The following PDE1C variants were observed in gnomAD, a reference collection of about 807,000 sequenced individuals.
PDE1C encodes phosphodiesterase 1C, also known as dual specificity calcium/calmodulin-dependent 3',5'-cyclic nucleotide phosphodiesterase 1C.
In PDE1C, 62 loss-of-function variants were observed where a neutral mutation model predicts 93.1. The observed-to-expected ratio is 0.67, with a 90% CI of 0.54 to 0.82. The LOEUF is 0.82. Ranked by LOEUF, PDE1C falls within the 40% of genes least tolerant of loss-of-function variation. PDE1C has a pLI of 0.00. For synonymous variants in PDE1C, 325 were observed against 310.1 expected, an observed-to-expected ratio of 1.05 and a Z score of -0.50; for missense variants, 742 against 884.6, an observed-to-expected ratio of 0.84 and a Z score of 2.04.
At chr7:31,695,382 A>C in the PDE1C span, 1 of 1,260,832 alleles carries the variant, frequency 7.9e-7, no homozygotes, top group South Asian at 1.5e-5. Context: ...CTGTCCTGTC[A>C]TCAAGTGCAA....
chr7:32,237,576 A>T (rs1808201120), intron 1 of PDE1C, among the ~76,000 whole-genome samples: 1 of 151,420 alleles, frequency 6.6e-6, no homozygotes, highest in Non-Finnish European at 1.5e-5. Flanking sequence ...TTTAAAAAAT[A>T]AAATTTGAGG....
At chr7:32,392,450 T>A (rs1784767847) in intron 1 of PDE1C, among the ~76,000 whole-genome samples, 1 of 152,174 alleles carries the variant, frequency 6.6e-6, no homozygotes, top group Admixed American at 6.5e-5. Flanking sequence ...TTCTATGAGG[T>A]CAGTTTTATC....
intron 1 of PDE1C, among the ~76,000 whole-genome samples, chr7:32,256,088 G>A (rs1809775368): frequency 6.6e-6 from 1 of 152,178 alleles, no homozygotes; most frequent in African/African-American, 2.4e-5. Flanking sequence ...GGAGATCAGG[G>A]AAGGAAATCA....
At chr7:32,171,493 T>A (rs2128806076) in intron 2 of PDE1C, among the ~76,000 whole-genome samples, 1 of 149,432 alleles carries the variant, frequency 6.7e-6, no homozygotes, top group East Asian at 1.9e-4. Flanking sequence ...ATATTATTAT[T>A]TTACTTATTA....
chr7:32,078,759 T>C (rs1796492784), intron 3 of PDE1C, among the ~76,000 whole-genome samples: 1 of 151,980 alleles, frequency 6.6e-6, no homozygotes, highest in African/African-American at 2.4e-5. Flanking sequence ...ACCCTGTCTC[T>C]ACAAAAAATT....
chr7:32,030,265 T>C (rs891544081), intron 2 of PDE1C, among the ~76,000 whole-genome samples: 1 of 151,932 alleles, frequency 6.6e-6, no homozygotes, highest in Non-Finnish European at 1.5e-5. Flanking sequence ...AGATTTTACT[T>C]AGAGAAAAAG....
At chr7:32,345,981 C>G (rs556658211) in intron 1 of PDE1C, among the ~76,000 whole-genome samples, 1 of 152,342 alleles carries the variant, frequency 6.6e-6, no homozygotes, top group East Asian at 1.9e-4. Context: ...CAGGCAATTA[C>G]ATTCCCAAGT....
At chr7:32,361,022 G>T (rs1784128047) in intron 1 of PDE1C, among the ~76,000 whole-genome samples, 2 of 152,184 alleles carry the variant, frequency 1.3e-5, no homozygotes, top group African/African-American at 4.8e-5. Flanking sequence ...TATTTTACAG[G>T]CATGGAGGAA....
intron 2 of PDE1C, among the ~76,000 whole-genome samples, chr7:32,019,596 G>C (rs958260410): frequency 6.6e-6 from 1 of 152,118 alleles, no homozygotes; most frequent in African/African-American, 2.4e-5. Flanking sequence ...ACAAATGGAA[G>C]CAAATACCTA....
intron 2 of PDE1C, among the ~76,000 whole-genome samples, chr7:32,206,526 G>A (rs540309230): frequency 2.3e-4 from 35 of 152,298 alleles, no homozygotes; most frequent in African/African-American, 7.5e-4. Flanking sequence ...CTTCATCCCA[G>A]AAGTCCCCAA....
intron 17 of PDE1C, among the ~76,000 whole-genome samples, chr7:31,763,406 G>A (rs1182173352): frequency 2.6e-5 from 4 of 152,152 alleles, no homozygotes; most frequent in Non-Finnish European, 5.9e-5. Flanking sequence ...GCTAAGGTCT[G>A]TGACAGGAAA....
rs370171843 is a variant in PDE1C, at chr7:32,327,022, A to G, written c.310+100800T>C. Among the ~76,000 whole-genome samples the G allele has an allele frequency of 9.2e-5, 14 of 152,208 alleles. No homozygotes were observed. The South Asian group carries it at 2.9e-3, about 32-fold the overall frequency. ...TAATCCACCTAATAACATGAGCAAA[A>G]CACCCGAGTCATCTTCATTCCTACT... On this transcript the variant is annotated intron_variant, in intron 1 of 1. Transcript: ENST00000672256.
intron 2 of PDE1C, among the ~76,000 whole-genome samples, chr7:31,998,298 T>C (rs544147825): frequency 3.2e-4 from 49 of 152,278 alleles, no homozygotes; most frequent in East Asian, 5.8e-4. Context: ...GGATTACAAG[T>C]GTGAGCCACC....
intron 6 of PDE1C, among the ~76,000 whole-genome samples, chr7:31,869,683 A>G (rs529419946): frequency 1.3e-5 from 2 of 152,230 alleles, no homozygotes; most frequent in East Asian, 1.9e-4. Flanking sequence ...TTGAGACTTC[A>G]GCACTCTATC....
chr7:32,328,742 A>G (rs1408303417), intron 1 of PDE1C, among the ~76,000 whole-genome samples: 1 of 152,054 alleles, frequency 6.6e-6, no homozygotes, highest in Non-Finnish European at 1.5e-5. Context: ...GGCCTCCATT[A>G]TCAACAGTGA....
At chr7:32,387,875 C>A (rs1298297943) in intron 1 of PDE1C, among the ~76,000 whole-genome samples, 2 of 127,582 alleles carry the variant, frequency 1.6e-5, no homozygotes, top group African/African-American at 3.4e-5. Context: ...CCTCCCCCCT[C>A]CCGGACGGGG....
At chr7:31,872,571 A>G (rs1796073266) in intron 6 of PDE1C, among the ~76,000 whole-genome samples, 1 of 152,154 alleles carries the variant, frequency 6.6e-6, no homozygotes, top group South Asian at 2.1e-4. Flanking sequence ...GAGAAAATAA[A>G]GAACCACATC....
chr7:32,027,636 A>AAAAAAAAAAAAAAAAAAAG (rs1789646391), intron 2 of PDE1C, among the ~76,000 whole-genome samples: 1 of 112,926 alleles, frequency 8.9e-6, no homozygotes. Context: ...AAAAAAAAAA[A>AAAAAAAAAAAAAAAAAAAG]AAAAAAAAAG....
At chr7:32,207,565 G>A (rs947691868) in intron 2 of PDE1C, among the ~76,000 whole-genome samples, 25 of 152,114 alleles carry the variant, frequency 1.6e-4, no homozygotes, top group Admixed American at 4.6e-4. Context: ...AGTAGCTCAC[G>A]TGCCATCTGA....
Sources: gnomAD v4.1 joint callset for allele counts (sites outside exome capture counted in the v4.1 genomes callset) on GRCh38, gnomAD v4.1.1 for gene constraint, MANE v1.5 for transcripts, NCBI Gene and HGNC (gene_info 2026-07-23, HGNC 2026-07-21) for gene names.